Variants in MYOM1 observed in about 807,000 individuals in gnomAD.
MYOM1 encodes the protein myomesin-1.
Under a neutral mutation model 205.3 loss-of-function variants are expected in MYOM1, and 164 were observed. The ratio of observed to expected loss-of-function variants is 0.80; its 90% CI spans 0.70 to 0.91. MYOM1 has a LOEUF of 0.91. Among genes scored for constraint, MYOM1 ranks in the 40% least tolerant of loss-of-function variants. The probability of loss-of-function intolerance (pLI) is 0.00; values close to 1 mark genes in which losing one functional copy is unlikely to be tolerated. For missense variants in MYOM1, 2,011 were observed against 2,127.3 expected (o/e 0.95, Z 1.08); for synonymous variants, 772 against 789.4 (o/e 0.98, Z 0.37).
chr18:3,151,607 G>T, intron 12 of MYOM1, 87 bp downstream of exon 12: 1 of 1,218,500 alleles, frequency 8.2e-7, no homozygotes, highest in Non-Finnish European at 1.1e-6. Context: ...CTAGTGGAAG[G>T]GAGAGAAACA....
At position 3,214,287 on chromosome 18, in the gene MYOM1, C is replaced by G. The variant is rs368331376; in HGVS notation, c.290+647G>C. ...AGAAACATTCTGAGCGCAAGGAAAC[C>G]CGCTGTGAATACTGAAATGATCTTT... is the stretch of plus-strand genomic sequence containing the variant. On this transcript the variant is annotated intron_variant, in intron 2 of 37. Transcript: ENST00000356443. Among the ~76,000 whole-genome samples, 17 of 152,264 alleles carry G rather than the reference C, an allele frequency of 1.1e-4. 1 individual carries two copies. The highest frequency in any genetic ancestry group is 3.6e-4 in the African/African-American group (15 of 41,548).
intron 12 of MYOM1, among the ~76,000 whole-genome samples, chr18:3,151,011 A>ATTT (rs568526467): frequency 2.2e-4 from 12 of 53,826 alleles, no homozygotes; most frequent in South Asian, 5.1e-4. Context: ...CATTTTTTTC[A>ATTT]TTTTTTTTTT....
In MYOM1 at chr18:3,119,956, C is replaced by T. The variant is rs764613999; in HGVS notation, c.3031G>A (p.Val1011Met). 6.2e-7 allele frequency: 1 copy of T among 1,609,336 alleles called. No individual in the cohort carries two copies. Among genetic ancestry groups the T allele is most frequent in the Non-Finnish European group, 8.5e-7 (1 of 1,177,750 alleles). ...AGCCCAGCCATGTTCATGGCTGCCA[C>T]TTGGAACTGATACACCATGTTTTCC... The part of the protein sequence containing the change: ...LKENMVYQFQ[V>M]AAMNMAGLGA... Residue 1011 changes from valine (V) to methionine (M), a missense_variant, in exon 20 of 38, where the codon GTG becomes ATG. Val to Met is a conservative substitution (Grantham distance 21, BLOSUM62 1). Coordinates refer to ENST00000356443, the MANE Select transcript of MYOM1 (RefSeq NM_003803.4).
intron 2 of MYOM1, among the ~76,000 whole-genome samples, chr18:3,205,146 C>T (rs1170358719): frequency 6.6e-6 from 1 of 152,034 alleles, no homozygotes; most frequent in Non-Finnish European, 1.5e-5. Context: ...GAGAAACTCC[C>T]TAAGGTGTTG....
At chr18:3,148,844 CAAAAAAAAAAAAAAAAAA>C (rs71159049) in intron 13 of MYOM1, among the ~76,000 whole-genome samples, 6 of 47,934 alleles carry the variant, frequency 1.3e-4, no homozygotes, top group African/African-American at 3.6e-4. Flanking sequence ...AGACTCCATC[CAAAAAAAAAAAAAAAAAA>C]AAAAAAAAAA....
chr18:3,071,762 G>A, intron 37 of MYOM1, 72 bp downstream of exon 37: 6 of 1,473,470 alleles, frequency 4.1e-6, no homozygotes, highest in Non-Finnish European at 5.6e-6. Context: ...CTTAAAAGAA[G>A]GAACAAAATC....
intron 19 of MYOM1, among the ~76,000 whole-genome samples, chr18:3,126,493 T>G (rs1318995478): frequency 6.6e-6 from 1 of 152,172 alleles, no homozygotes; most frequent in Non-Finnish European, 1.5e-5. Context: ...CTTATGTGTA[T>G]GGATCAGAAA....
intron 9 of MYOM1, among the ~76,000 whole-genome samples, chr18:3,165,601 G>A (rs753587892): frequency 2.0e-5 from 3 of 151,888 alleles, no homozygotes; most frequent in Non-Finnish European, 4.4e-5. Flanking sequence ...CTTTATTGCA[G>A]TGTCTACATG....
Position 3,164,302 on chromosome 18 carries a change from ATTG to A in MYOM1, c.1474_1476del (p.Gln492del), listed in dbSNP as rs1257350401. On this transcript the variant is annotated inframe_deletion, in exon 10 of 38. Coordinates refer to ENST00000356443, the MANE Select transcript of MYOM1 (RefSeq NM_003803.4). The stretch of plus-strand genomic sequence containing the variant: ...CCTCGAACAAAGACATAAGCACTAT[ATTG>A]TTCATAATATTCTCCCATCCGTACA... 1 of 1,613,046 alleles carries A rather than the reference ATTG, an allele frequency of 6.2e-7. No individual in the cohort carries two copies. The highest frequency in any genetic ancestry group is 2.2e-5 in the East Asian group (1 of 44,874).
chr18:3,129,172 G>T, intron 18 of MYOM1, 60 bp downstream of exon 18: 1 of 1,538,776 alleles, frequency 6.5e-7, no homozygotes, highest in Non-Finnish European at 8.8e-7. Flanking sequence ...TGATGTAGAC[G>T]ATGAGAGGTG....
At chr18:3,139,107 C>G (rs2080012811) in intron 14 of MYOM1, among the ~76,000 whole-genome samples, 1 of 152,048 alleles carries the variant, frequency 6.6e-6, no homozygotes, top group East Asian at 1.9e-4. Context: ...TAGGGAGACC[C>G]CATCTCTACA....
At chr18:3,170,437 T>C (rs7236540) in intron 8 of MYOM1, among the ~76,000 whole-genome samples, 89,657 of 151,998 alleles carry the variant, frequency 0.59, 27,035 homozygotes, top group Non-Finnish European at 0.65. Flanking sequence ...TAATTTTAAA[T>C]TAAATAATTT....
At chr18:3,130,151 T>G (rs2079854529) in intron 17 of MYOM1, among the ~76,000 whole-genome samples, 1 of 151,912 alleles carries the variant, frequency 6.6e-6, no homozygotes, top group South Asian at 2.1e-4. Context: ...CAAACAATTC[T>G]CGTGCCTCAG....
intron 14 of MYOM1, among the ~76,000 whole-genome samples, chr18:3,136,948 C>CT (rs916445556): frequency 6.6e-6 from 1 of 150,720 alleles, no homozygotes; most frequent in Non-Finnish European, 1.5e-5. Context: ...TTTTTTCTTT[C>CT]TTTTTTCTTT....
intron 2 of MYOM1, among the ~76,000 whole-genome samples, chr18:3,194,787 A>G (rs527594770): frequency 6.6e-6 from 1 of 151,874 alleles, no homozygotes; most frequent in African/African-American, 2.4e-5. Context: ...CCTGAAGTCA[A>G]TCCATGAACT....
At chr18:3,145,267 G>C (rs899181135) in intron 13 of MYOM1, among the ~76,000 whole-genome samples, 3 of 150,688 alleles carry the variant, frequency 2.0e-5, no homozygotes, top group Non-Finnish European at 4.4e-5. Context: ...CCAACATTGA[G>C]CTGCTGCACT....
At chr18:3,213,981 T>C (rs1167069738) in intron 2 of MYOM1, among the ~76,000 whole-genome samples, 2 of 152,220 alleles carry the variant, frequency 1.3e-5, no homozygotes, top group African/African-American at 4.8e-5. Flanking sequence ...AATAACCTTT[T>C]TTCCTCTAGT....
At chr18:3,134,567 TC>T in intron 16 of MYOM1, 82 bp downstream of exon 16, 1 of 1,406,212 alleles carries the variant, frequency 7.1e-7, no homozygotes, top group South Asian at 1.7e-5. Context: ...TAAAAAAATC[TC>T]CTCCATTGGA....
At chr18:3,230,091 G>A in the MYOM1 span, among the ~76,000 whole-genome samples, 1 of 151,678 alleles carries the variant, frequency 6.6e-6, no homozygotes, top group Non-Finnish European at 1.5e-5. Flanking sequence ...CCACTATTTG[G>A]CTTTCCTCTT....
Sources: gnomAD v4.1 joint callset for allele counts (sites outside exome capture counted in the v4.1 genomes callset) on GRCh38, gnomAD v4.1.1 for gene constraint, MANE v1.5 for transcripts, NCBI Gene and HGNC (gene_info 2026-07-23, HGNC 2026-07-21) for gene names.